Variants in POU2F1 observed in about 807,000 individuals in gnomAD.
POU2F1 encodes the protein POU class 2 homeobox 1, also known as POU domain, class 2, transcription factor 1.
Under a neutral mutation model 84.9 loss-of-function variants are expected in POU2F1, and 16 were observed. The observed-to-expected ratio is 0.19, with a 90% CI of 0.13 to 0.29. The LOEUF (loss-of-function observed/expected upper bound fraction) is 0.29. Among genes scored for constraint, POU2F1 ranks in the 10% least tolerant of loss-of-function variants. The pLI, the probability that POU2F1 is intolerant of heterozygous loss-of-function variation, is 1.00. For missense variants in POU2F1, 738 were observed against 942.6 expected, an observed-to-expected ratio of 0.78 and a Z score of 2.84; for synonymous variants, 368 against 368.3, an observed-to-expected ratio of 1.00 and a Z score of 0.01.
intron 1 of POU2F1, among the ~76,000 whole-genome samples, chr1:167,260,383 T>C (rs1426217639): frequency 6.6e-6 from 1 of 152,220 alleles, no homozygotes; most frequent in Non-Finnish European, 1.5e-5. Flanking sequence ...TTAATACTAT[T>C]GTATTTATCA....
At position 167,250,215 on chromosome 1, in the gene POU2F1, A is replaced by G. The variant is rs574528446; in HGVS notation, c.61+29257A>G. ...GAGAAGAGAAAAAAATATGAGATGA[A>G]GAACAAATGGTTGGGCACTCATCTT... On this transcript the variant is annotated intron_variant, in intron 1 of 15. Transcript: ENST00000367866. 3.3e-5 allele frequency among the ~76,000 whole-genome samples: 5 copies of G among 152,296 alleles called. No individual in the cohort carries two copies. In the East Asian group the frequency reaches 7.7e-4, roughly 23 times the overall value.
In POU2F1 at chr1:167,325,586, A is replaced by AAATATTTT. The variant is rs1397833863; in HGVS notation, c.62-6879_62-6872dup. Among the ~76,000 whole-genome samples the AAATATTTT allele has an allele frequency of 2.6e-5, 4 of 152,234 alleles. No homozygotes were observed. The South Asian group carries it at 8.3e-4, about 32-fold the overall frequency. ...CTGGCCCATAAGATCATGAATATAA[A>AAATATTTT]AATATTTTAATACTAGTAGTGTCGG... On this transcript the variant is annotated intron_variant, in intron 1 of 15. Coordinates refer to ENST00000367866, the MANE Select transcript of POU2F1 (RefSeq NM_002697.4).
At chr1:167,334,241 A>C (rs949800389) in intron 2 of POU2F1, among the ~76,000 whole-genome samples, 2 of 139,702 alleles carry the variant, frequency 1.4e-5, no homozygotes, top group Non-Finnish European at 3.0e-5. Context: ...GCTCACTGCA[A>C]CCTCTGCCTC....
intron 2 of POU2F1, among the ~76,000 whole-genome samples, chr1:167,333,285 A>G (rs934172598): frequency 2.0e-5 from 3 of 152,184 alleles, no homozygotes; most frequent in Non-Finnish European, 4.4e-5. Context: ...ATGTAAGACT[A>G]TGTATCTTTA....
chr1:167,268,516 C>T (rs1393477606), intron 1 of POU2F1, among the ~76,000 whole-genome samples: 2 of 152,132 alleles, frequency 1.3e-5, no homozygotes, highest in African/African-American at 4.8e-5. Flanking sequence ...CAAAGGCCTC[C>T]CATTAGGCTG....
At chr1:167,262,178 T>TG (rs1282701514) in intron 1 of POU2F1, among the ~76,000 whole-genome samples, 2 of 152,152 alleles carry the variant, frequency 1.3e-5, no homozygotes, top group African/African-American at 4.8e-5. Context: ...TTTTTTGAGA[T>TG]GGGGTCTCAC....
intron 1 of POU2F1, among the ~76,000 whole-genome samples, chr1:167,225,081 G>A (rs1395833868): frequency 2.0e-5 from 3 of 152,006 alleles, no homozygotes; most frequent in African/African-American, 4.8e-5. Flanking sequence ...CACCCGCCTC[G>A]GCTTTCCAAA....
chr1:167,389,064 A>T (rs1411044530), intron 8 of POU2F1, among the ~76,000 whole-genome samples: 2 of 152,202 alleles, frequency 1.3e-5, no homozygotes, highest in South Asian at 2.1e-4. Flanking sequence ...GAACAGATAT[A>T]CAAAAGCGAA....
chr1:167,232,424 A>T (rs1195336405), intron 1 of POU2F1, among the ~76,000 whole-genome samples: 3 of 152,242 alleles, frequency 2.0e-5, no homozygotes, highest in Non-Finnish European at 4.4e-5. Context: ...GTAAAAATTT[A>T]AAAAATTTAA....
intron 7 of POU2F1, among the ~76,000 whole-genome samples, chr1:167,378,528 T>A (rs1328055184): frequency 6.6e-6 from 1 of 151,454 alleles, no homozygotes; most frequent in Non-Finnish European, 1.5e-5. Context: ...TGTCTCAGCC[T>A]CCTGAGTAGC....
At chr1:167,317,603 A>G (rs1334688883) in intron 1 of POU2F1, among the ~76,000 whole-genome samples, 1 of 152,230 alleles carries the variant, frequency 6.6e-6, no homozygotes, top group Non-Finnish European at 1.5e-5. Flanking sequence ...CTGGCTAGTT[A>G]TCTGCAGCAG....
At chr1:167,288,364 G>C (rs1430456791) in intron 1 of POU2F1, among the ~76,000 whole-genome samples, 3 of 152,166 alleles carry the variant, frequency 2.0e-5, no homozygotes, top group Non-Finnish European at 4.4e-5. Context: ...AATCTCAACA[G>C]GATTCCTAAC....
At chr1:167,324,646 C>T (rs1656566743) in intron 1 of POU2F1, among the ~76,000 whole-genome samples, 1 of 152,138 alleles carries the variant, frequency 6.6e-6, no homozygotes, top group South Asian at 2.1e-4. Context: ...CCATATTGTG[C>T]CTGAGTCCCC....
intron 1 of POU2F1, among the ~76,000 whole-genome samples, chr1:167,233,427 T>G (rs1649216085): frequency 6.6e-6 from 1 of 152,126 alleles, no homozygotes; most frequent in African/African-American, 2.4e-5. Flanking sequence ...TGTGAGCTCC[T>G]GTGCCTGGCC....
chr1:167,222,156 C>G (rs1179647256), intron 1 of POU2F1, among the ~76,000 whole-genome samples: 1 of 152,120 alleles, frequency 6.6e-6, no homozygotes, highest in African/African-American at 2.4e-5. Flanking sequence ...GCCCTCCTGC[C>G]CCAGAATGGG....
intron 2 of POU2F1, among the ~76,000 whole-genome samples, chr1:167,337,330 A>G (rs556412392): frequency 6.6e-6 from 1 of 152,190 alleles, no homozygotes; most frequent in East Asian, 1.9e-4. Context: ...TCTCAAAAAA[A>G]AAAGAAAGAA....
chr1:167,359,506 A>G (rs1318991299), intron 2 of POU2F1, among the ~76,000 whole-genome samples: 1 of 152,180 alleles, frequency 6.6e-6, no homozygotes, highest in East Asian at 1.9e-4. Context: ...GTATTACTGC[A>G]TGGATTTTGT....
At chr1:167,313,384 AAAAAT>A (rs764605792) in intron 1 of POU2F1, among the ~76,000 whole-genome samples, 8 of 152,350 alleles carry the variant, frequency 5.3e-5, no homozygotes, top group East Asian at 1.9e-4. Context: ...AATTTTGAAG[AAAAAT>A]AAAATAAGAA....
intron 2 of POU2F1, among the ~76,000 whole-genome samples, chr1:167,349,173 C>A (rs947061081): frequency 2.0e-5 from 3 of 152,222 alleles, no homozygotes; most frequent in Non-Finnish European, 2.9e-5. Flanking sequence ...CCTCACTCAA[C>A]CTTTTCCAAT....
Sources: allele counts gnomAD v4.1 joint callset (sites outside exome capture counted in the v4.1 genomes callset), GRCh38; gene constraint gnomAD v4.1.1; transcripts MANE v1.5; gene names NCBI Gene and HGNC (gene_info 2026-07-23, HGNC 2026-07-21).